Variants in CLASRP observed in about 807,000 individuals in gnomAD.
The protein encoded by CLASRP is CLK4-associating serine/arginine rich protein.
CLASRP carries 52 observed loss-of-function variants against 99.9 expected under a neutral mutation model. The observed-to-expected ratio is 0.52, with a 90% CI of 0.42 to 0.66. The LOEUF is 0.66. Among genes scored for constraint, CLASRP ranks in the 30% least tolerant of loss-of-function variants. CLASRP has a pLI of 0.00. For missense variants in CLASRP, 848 were observed against 999.2 expected (o/e 0.85, Z 2.04); for synonymous variants, 379 against 373.0 (o/e 1.02, Z -0.18).
chr19:45,068,586 AG>A, intron 16 of CLASRP, 106 bp downstream of exon 16: 1 of 835,790 alleles, frequency 1.2e-6, no homozygotes, highest in South Asian at 1.4e-5. Flanking sequence ...TTCCCTAGAG[AG>A]GCCACGCAGG....
At chr19:45,062,222 T>C (rs1422600150) in intron 11 of CLASRP, 27 bp downstream of exon 11, 3 of 1,343,906 alleles carry the variant, frequency 2.2e-6, no homozygotes, top group Non-Finnish European at 3.2e-6. Flanking sequence ...GACCAGGGAA[T>C]AGCAGACAGG....
At chr19:45,040,451 G>A in intron 2 of CLASRP, 140 bp downstream of exon 2, 1 of 602,202 alleles carries the variant, frequency 1.7e-6, no homozygotes, top group Non-Finnish European at 3.0e-6. Context: ...ATCTTTTCTT[G>A]AGGATAATCA....
At chr19:45,057,933 C>T in intron 7 of CLASRP, 35 bp downstream of exon 7, 2 of 1,611,646 alleles carry the variant, frequency 1.2e-6, no homozygotes, top group South Asian at 2.2e-5. Flanking sequence ...CACCTGCAGT[C>T]CCTGGGCATC....
chr19:45,064,355 C>T lies in CLASRP; in HGVS notation c.1134C>T (p.Ser378=), dbSNP rs973793596. ...GCCCCGCCTGCAGCCGCCGCTCCTCCTCCTCCTCCTCCTCCTCTTCTGCCT... is the reference window on the plus strand; with the variant it reads ...GCCCCGCCTGCAGCCGCCGCTCCTCTTCCTCCTCCTCCTCCTCTTCTGCCT... ...GRNASARRRS[S]SSSSSSSASR... is the part of the protein sequence containing the mutation. Residue 378 remains serine, a synonymous_variant, in exon 13 of 21, where the codon TCC becomes TCT. Coordinates refer to ENST00000221455, the MANE Select transcript of CLASRP (RefSeq NM_007056.3). 5 of 1,531,262 alleles carry T rather than the reference C, an allele frequency of 3.3e-6. No homozygotes were observed. The highest frequency in any genetic ancestry group is 4.4e-6 in the Non-Finnish European group (5 of 1,143,084). 94.9% of individuals were successfully genotyped at this position (1,531,262 alleles called of 1,614,324 possible). A position where few individuals can be genotyped will look rare whatever the true frequency, so the allele number is the denominator to read the frequency against.
At chr19:45,066,054 T>C (rs777358476) in intron 13 of CLASRP, among the ~76,000 whole-genome samples, 9 of 152,134 alleles carry the variant, frequency 5.9e-5, no homozygotes, top group Non-Finnish European at 1.2e-4. Context: ...GCAGGTCTAG[T>C]GTCACCCAGT....
chr19:45,069,980 G>A, intron 18 of CLASRP, 42 bp from the exon 19 acceptor site: 2 of 1,112,872 alleles, frequency 1.8e-6, no homozygotes, highest in South Asian at 1.2e-5. Context: ...AGTTCAGTGT[G>A]TCCAGTGTTC....
In CLASRP at chr19:45,060,704, T is replaced by G; in HGVS notation, c.863+77T>G. ...AGGGGCTTAGGGCCTGAGAAAGCTC[T>G]TTGGAGGCAGGCATTTGACTTGAGA... On this transcript the variant is annotated intron_variant, in intron 10 of 20. Coordinates refer to ENST00000221455, the MANE Select transcript of CLASRP (RefSeq NM_007056.3). The surrounding 1 kb of genome is among the most constrained non-coding windows in gnomAD (Gnocchi z 4.6). 3.6e-5 allele frequency: 41 copies of G among 1,146,810 alleles called. No individual in the cohort carries two copies. The highest frequency in any genetic ancestry group is 4.5e-5 in the Non-Finnish European group (37 of 817,702). 71.0% of individuals were successfully genotyped at this position (1,146,810 alleles called of 1,614,324 possible).
Position 45,044,482 on chromosome 19 carries a change from G to GTTA in CLASRP, c.99+4171_99+4172insTTA, listed in dbSNP as rs550147119. 6.9e-4 allele frequency among the ~76,000 whole-genome samples: 105 copies of GTTA among 152,308 alleles called. 1 individual carries two copies. The South Asian group carries it at 0.02, about 29-fold the overall frequency. ...TGGCTTACAGTCACATAGCATGAGG[G>GTTA]CAGAGCTGGCACTATAACCCAGTCT... On this transcript the variant is annotated intron_variant, in intron 2 of 20. Coordinates refer to ENST00000221455, the MANE Select transcript of CLASRP (RefSeq NM_007056.3).
Position 45,070,855 on chromosome 19 carries a change from TGG to T in CLASRP, c.*15_*16del. The stretch of plus-strand genomic sequence containing the variant: ...CCATTACCGACATTAGGCAGAAGAG[TGG>T]GGGGTGGGGAGGACAAGGGGGTGGG... On this transcript the variant is annotated 3_prime_UTR_variant, in exon 21 of 21. Transcript: ENST00000221455. The T allele has an allele frequency of 9.4e-7, 1 of 1,068,400 alleles. No homozygotes were observed. Among genetic ancestry groups the T allele is most frequent in the South Asian group, 1.4e-5 (1 of 73,090 alleles). 66.2% of individuals were successfully genotyped at this position (1,068,400 alleles called of 1,614,324 possible).
intron 2 of CLASRP, 144 bp downstream of exon 2, chr19:45,040,455 A>G: frequency 1.7e-6 from 1 of 593,026 alleles, no homozygotes; most frequent in Admixed American, 2.8e-5. Flanking sequence ...TTTCTTGAGG[A>G]TAATCATTGG....
chr19:45,058,765 G>A (rs371194915), intron 7 of CLASRP, among the ~76,000 whole-genome samples: 11 of 151,110 alleles, frequency 7.3e-5, no homozygotes, highest in Admixed American at 2.6e-4. Context: ...CTTATCACAC[G>A]CCCTGCTTCC....
chr19:45,065,758 G>T (rs1967072744), intron 13 of CLASRP, among the ~76,000 whole-genome samples: 1 of 152,152 alleles, frequency 6.6e-6, no homozygotes, highest in African/African-American at 2.4e-5. Context: ...GCACCTGCCT[G>T]AGTGTAGAGT....
chr19:45,060,684 C>A lies in CLASRP; in HGVS notation c.863+57C>A. On this transcript the variant is annotated intron_variant, in intron 10 of 20. Coordinates refer to ENST00000221455, the MANE Select transcript of CLASRP (RefSeq NM_007056.3). This position sits in a 1 kb window ranked among gnomAD's most constrained non-coding sequence, Gnocchi z 4.6. ...GGCATCTGGGGGAGGAGAGCAGGGG[C>A]TTAGGGCCTGAGAAAGCTCTTTGGA... 7.3e-7 allele frequency: 1 copy of A among 1,362,646 alleles called. No individual in the cohort carries two copies. Among genetic ancestry groups the A allele is most frequent in the Non-Finnish European group, 1.0e-6 (1 of 1,004,858 alleles). The allele number at this position is 1,362,646 out of a possible 1,614,324, so 84.4% of individuals were successfully genotyped here.
At chr19:45,059,115 G>T (rs1171093567) in intron 7 of CLASRP, among the ~76,000 whole-genome samples, 153 bp from the exon 8 acceptor site, 1 of 152,132 alleles carries the variant, frequency 6.6e-6, no homozygotes, top group Non-Finnish European at 1.5e-5. Flanking sequence ...CCAGCCTAGG[G>T]CATGCCAAGA....
intron 2 of CLASRP, among the ~76,000 whole-genome samples, chr19:45,047,030 A>G (rs980232322): frequency 1.3e-5 from 2 of 151,114 alleles, no homozygotes; most frequent in African/African-American, 4.9e-5. Flanking sequence ...TCTGTCTCCA[A>G]AAAAAAAAGT....
chr19:45,056,391 C>T lies in CLASRP; in HGVS notation c.380-59C>T. ...CTGCCCCACCGCACCCTTGTGTTCC[C>T]CCACTGAATTCCTAGTGTCCCCAAC... On this transcript the variant is annotated intron_variant, in intron 5 of 20. Coordinates refer to ENST00000221455, the MANE Select transcript of CLASRP (RefSeq NM_007056.3). The T allele has an allele frequency of 6.0e-6, 9 of 1,492,930 alleles. No homozygotes were observed. The South Asian group carries it at 1.0e-4, about 17-fold the overall frequency. The allele number at this position is 1,492,930 out of a possible 1,614,324, so 92.5% of individuals were successfully genotyped here. A position where few individuals can be genotyped will look rare whatever the true frequency, so the allele number is the denominator to read the frequency against.
intron 2 of CLASRP, 69 bp from the exon 3 acceptor site, chr19:45,052,002 G>T: frequency 8.3e-7 from 1 of 1,209,854 alleles, no homozygotes; most frequent in South Asian, 1.3e-5. Flanking sequence ...TGCTAAGCTC[G>T]GTTGTGTGTG....
Position 45,067,989 on chromosome 19 carries a change from T to C in CLASRP, c.1668-26T>C, listed in dbSNP as rs1967131630. 6.3e-7 allele frequency: 1 copy of C among 1,577,482 alleles called. No homozygotes were observed. Among genetic ancestry groups the C allele is most frequent in the Non-Finnish European group, 8.7e-7 (1 of 1,146,864 alleles). On this transcript the variant is annotated intron_variant, in intron 14 of 20. Coordinates refer to ENST00000221455, the MANE Select transcript of CLASRP (RefSeq NM_007056.3). The surrounding 1 kb of genome is among the most constrained non-coding windows in gnomAD (Gnocchi z 4.9). ...AGCTGCCCTTTCCCCCTCCCAACCA[T>C]GTCCTCTGGCCCTGCCCCCACCCAG... is the stretch of plus-strand genomic sequence containing the variant.
At chr19:45,069,407 G>A (rs1373008768) in intron 18 of CLASRP, among the ~76,000 whole-genome samples, 159 bp downstream of exon 18, 1 of 152,144 alleles carries the variant, frequency 6.6e-6, no homozygotes, top group Non-Finnish European at 1.5e-5. Context: ...TGCCTCTCTT[G>A]CTCCTCTCCC....
Sources: gnomAD v4.1 joint callset for allele counts (sites outside exome capture counted in the v4.1 genomes callset) on GRCh38, gnomAD v4.1.1 for gene constraint, Gnocchi (gnomAD v3.1) non-coding constraint, MANE v1.5 for transcripts, NCBI Gene and HGNC (gene_info 2026-07-23, HGNC 2026-07-21) for gene names.